ZNF107: variants seen among roughly 807,000 people sequenced by gnomAD.
ZNF107 encodes the protein C2H2 type zinc-finger protein.
In ZNF107, 19 loss-of-function variants were observed where a neutral mutation model predicts 12.3. That is an observed-to-expected ratio of 1.55 (90% CI 1.08 to 2.27). The LOEUF (loss-of-function observed/expected upper bound fraction) is 2.27, where lower values mean the gene tolerates loss of function less well. ZNF107 is among the 30% of genes most tolerant of loss of function. ZNF107 has a pLI of 0.00. For synonymous variants in ZNF107, 317 were observed against 330.5 expected, an observed-to-expected ratio of 0.96 and a Z score of 0.44; for missense variants, 958 against 979.9, an observed-to-expected ratio of 0.98 and a Z score of 0.30.
intron 1 of ZNF107, among the ~76,000 whole-genome samples, chr7:64,681,605 T>TC (rs1193145984): frequency 6.6e-6 from 1 of 151,432 alleles, no homozygotes; most frequent in Non-Finnish European, 1.5e-5. Context: ...TACAGATCAC[T>TC]CCCCCCTTAT....
intron 1 of ZNF107, 55 bp from the exon 2 acceptor site, chr7:64,691,193 A>C: frequency 7.4e-7 from 1 of 1,345,056 alleles, no homozygotes; most frequent in Non-Finnish European, 9.6e-7. Flanking sequence ...TTTTTTAAAA[A>C]TTCAATGACA....
intron 1 of ZNF107, among the ~76,000 whole-genome samples, chr7:64,675,022 G>C (rs1789368289): frequency 6.6e-6 from 1 of 152,140 alleles, no homozygotes; most frequent in Non-Finnish European, 1.5e-5. Context: ...TTTTGCTGAT[G>C]ATTTTTGCAT....
intron 1 of ZNF107, 127 bp from the exon 2 acceptor site, chr7:64,691,121 C>A: frequency 1.0e-6 from 1 of 962,166 alleles, no homozygotes; most frequent in Non-Finnish European, 1.3e-6. Context: ...ATTTGCCTGC[C>A]TTGGCCTCCC....
chr7:64,687,201 G>A (rs1249926190), intron 1 of ZNF107: 3 of 986,282 alleles, frequency 3.0e-6, no homozygotes, highest in Non-Finnish European at 3.6e-6. Flanking sequence ...ACTATCCCAT[G>A]GTGTCTGTTA....
intron 1 of ZNF107, chr7:64,686,822 G>A (rs1789936018): frequency 1.1e-6 from 1 of 929,486 alleles, no homozygotes; most frequent in African/African-American, 1.8e-5. Context: ...CACACCTCCG[G>A]GCTGACTCCC....
chr7:64,703,457 T>C (rs1305464705), intron 3 of ZNF107, among the ~76,000 whole-genome samples: 1 of 152,180 alleles, frequency 6.6e-6, no homozygotes, highest in Non-Finnish European at 1.5e-5. Context: ...AACGTTTAGA[T>C]TGAAAGATAA....
chr7:64,708,967 G>A lies in ZNF107; in HGVS notation c.*311G>A. 2.1e-6 allele frequency: 1 copy of A among 484,458 alleles called. No homozygotes were observed. The highest frequency in any genetic ancestry group is 3.8e-6 in the Non-Finnish European group (1 of 259,878). 30.0% of individuals were successfully genotyped at this position (484,458 alleles called of 1,614,324 possible). A position where few individuals can be genotyped will look rare whatever the true frequency, so the allele number is the denominator to read the frequency against. On this transcript the variant is annotated 3_prime_UTR_variant, in exon 4 of 4. Transcript: ENST00000620827. ...CATACTGGAGAAAAGCCATACAAAT[G>A]AGAAGAATGTGGCAATGCCTTTAAT...
At position 64,691,328 on chromosome 7, in the gene ZNF107, A is replaced by G; in HGVS notation, c.84A>G (p.Leu28=). The G allele has an allele frequency of 1.9e-6, 3 of 1,539,880 alleles. No individual in the cohort carries two copies. Among genetic ancestry groups the G allele is most frequent in the Non-Finnish European group, 2.6e-6 (3 of 1,145,658 alleles). The change falls in exon 2 of 4, where the codon TTA becomes TTG. Residue 28 remains leucine (L), a synonymous_variant. Coordinates refer to ENST00000620827, the MANE Select transcript of ZNF107 (RefSeq NM_001282359.2). ...WQCLDTAQRD[L]YRNVLLENYR... is the part of the protein sequence containing the mutation. ...GCCTGGATACTGCACAGCGGGATTT[A>G]TATAGGAATGTGTTGTTAGAGAACT...
chr7:64,672,076 G>A (rs1789252072), intron 1 of ZNF107, among the ~76,000 whole-genome samples: 1 of 152,022 alleles, frequency 6.6e-6, no homozygotes, highest in Admixed American at 6.6e-5. Context: ...GTGAGCCACC[G>A]CGCCCGGCTG....
At position 64,707,794 on chromosome 7, in the gene ZNF107, A is replaced by C; in HGVS notation, c.1697A>C (p.Lys566Thr). The change falls in exon 4 of 4, where the codon AAA becomes ACA. Residue 566 changes from lysine (K) to threonine (T), a missense_variant. Transcript: ENST00000620827. ...ATTCATACTGGAGAAAAACCCTATA[A>C]ATGTGAAGAATGTGGAAAAGCCTTT... ...KRIHTGEKPY[K>T]CEECGKAFNQ... The C allele has an allele frequency of 6.2e-7, 1 of 1,611,904 alleles. No homozygotes were observed. Among genetic ancestry groups the C allele is most frequent in the Non-Finnish European group, 8.5e-7 (1 of 1,179,344 alleles).
rs183844515 is a variant in ZNF107 at position 64,710,562 on chromosome 7, A to C, written c.*1906A>C. ...TAAAACTAAAGTTGGTAGGTAAATA[A>C]TGTGTATATAACTTTAAAAGAAGTA... On this transcript the variant is annotated 3_prime_UTR_variant, in exon 4 of 4. Transcript: ENST00000620827. 831 of 152,306 alleles carry C rather than the reference A, an allele frequency of 5.5e-3. 13 individuals are homozygous for C. Among genetic ancestry groups the C allele is most frequent in the African/African-American group, 0.019 (802 of 41,576 alleles). 9.4% of individuals were successfully genotyped at this position (152,306 alleles called of 1,614,324 possible). A position where few individuals can be genotyped will look rare whatever the true frequency, so the allele number is the denominator to read the frequency against.
At position 64,708,119 on chromosome 7, in the gene ZNF107, G is replaced by A. The variant is rs1396477257; in HGVS notation, c.2022G>A (p.Glu674=). 18 of 1,612,326 alleles carry A rather than the reference G, an allele frequency of 1.1e-5. No individual in the cohort carries two copies. Among genetic ancestry groups the A allele is most frequent in the Non-Finnish European group, 1.4e-5 (17 of 1,179,512 alleles). ...ITNHKIIYTG[E]KPHKCEECGK... ...ACCATAAGATAATTTATACTGGAGA[G>A]AAACCCCACAAATGTGAAGAATGTG... Residue 674 remains glutamate (E), a synonymous_variant, in exon 4 of 4, where the codon GAG becomes GAA. Coordinates refer to ENST00000620827, the MANE Select transcript of ZNF107 (RefSeq NM_001282359.2).
chr7:64,707,624 C>A lies in ZNF107; in HGVS notation c.1527C>A (p.Tyr509Ter). The change falls in exon 4 of 4, where the codon TAC becomes TAA. Residue 509 changes from tyrosine (Y) to a stop codon, truncating the protein, a stop_gained. Coordinates refer to ENST00000620827, the MANE Select transcript of ZNF107 (RefSeq NM_001282359.2). LOFTEE classifies it low-confidence loss of function (END_TRUNC). ...HKKIHTGEKP[Y>*]KCEECDRAFS... is the part of the protein sequence containing the mutation. The stretch of plus-strand genomic sequence containing the variant: ...AAATTCATACTGGAGAGAAACCCTA[C>A]AAATGTGAAGAATGTGACAGAGCTT... 6.2e-7 allele frequency: 1 copy of A among 1,612,772 alleles called. No homozygotes were observed. The highest frequency in any genetic ancestry group is 8.5e-7 in the Non-Finnish European group (1 of 1,179,632).
rs762056501 is a variant in ZNF107 at position 64,707,780 on chromosome 7, A to AG, written c.1684dup (p.Glu562GlyfsTer5). 6.2e-7 allele frequency: 1 copy of AG among 1,612,118 alleles called. No homozygotes were observed. Reference sequence around the variant, plus strand: ...CTAAACATAAGAGAATTCATACTGGAGAAAAACCCTATAAATGTGAAGAAT... The same window carrying AG: ...CTAAACATAAGAGAATTCATACTGGAGGAAAAACCCTATAAATGTGAAGAAT... On this transcript the variant is annotated frameshift_variant, in exon 4 of 4. Transcript: ENST00000620827. LOFTEE classifies it low-confidence loss of function (END_TRUNC).
intron 1 of ZNF107, among the ~76,000 whole-genome samples, chr7:64,670,108 G>C (rs1789165861): frequency 6.6e-6 from 1 of 152,182 alleles, no homozygotes; most frequent in African/African-American, 2.4e-5. Context: ...AGGGGAATGA[G>C]AGAGTCTTAC....
chr7:64,702,453 A>T (rs945168022), intron 3 of ZNF107, among the ~76,000 whole-genome samples: 3 of 151,622 alleles, frequency 2.0e-5, no homozygotes, highest in African/African-American at 7.3e-5. Flanking sequence ...TAAACTCTTA[A>T]CAACTTCAAT....
Position 64,677,851 on chromosome 7 carries a change from C to CA in ZNF107, c.3+11589dup, listed in dbSNP as rs36080718. 6.0e-3 allele frequency among the ~76,000 whole-genome samples: 466 copies of CA among 77,698 alleles called. 3 individuals are homozygous for CA. The highest frequency in any genetic ancestry group is 0.015 in the Middle Eastern group (2 of 130). The allele number at this position is 77,698 out of a possible 152,430, so 51.0% of individuals were successfully genotyped here. ...TGGGCGACAGAGCAAGACTCTGTCT[C>CA]AAAAAAAAAAAAAAAAAAAAAAAGG... On this transcript the variant is annotated intron_variant, in intron 1 of 3. Coordinates refer to ENST00000620827, the MANE Select transcript of ZNF107 (RefSeq NM_001282359.2).
At chr7:64,694,991 C>A (rs563787593) in intron 3 of ZNF107, among the ~76,000 whole-genome samples, 1 of 151,862 alleles carries the variant, frequency 6.6e-6, no homozygotes, top group Non-Finnish European at 1.5e-5. Context: ...CAGCCTATAT[C>A]TAAATAATAA....
At chr7:64,677,603 C>G (rs1789467965) in intron 1 of ZNF107, among the ~76,000 whole-genome samples, 1 of 151,294 alleles carries the variant, frequency 6.6e-6, no homozygotes, top group African/African-American at 2.4e-5. Context: ...CCTGTAATCC[C>G]AGCACTTTGG....
Sources: allele counts gnomAD v4.1 joint callset (sites outside exome capture counted in the v4.1 genomes callset), GRCh38; gene constraint gnomAD v4.1.1; transcripts MANE v1.5; gene names NCBI Gene and HGNC (gene_info 2026-07-23, HGNC 2026-07-21).